The following CADM2 variants were observed in gnomAD, a reference collection of about 807,000 sequenced individuals.
CADM2 encodes the protein immunoglobulin superfamily member 4D.
CADM2 carries 12 observed loss-of-function variants against 49.8 expected under a neutral mutation model. That is an observed-to-expected ratio of 0.24 (90% CI 0.15 to 0.39). The LOEUF (loss-of-function observed/expected upper bound fraction) is 0.39. Ranked by LOEUF, CADM2 falls within the 10% of genes least tolerant of loss-of-function variation. CADM2 has a pLI of 1.00. For missense variants in CADM2, 378 were observed against 492.3 expected (o/e 0.77, Z 2.20); for synonymous variants, 214 against 175.4 (o/e 1.22, Z -1.74).
intron 1 of CADM2, among the ~76,000 whole-genome samples, chr3:85,401,460 C>T (rs1002368002): frequency 1.3e-5 from 2 of 151,934 alleles, no homozygotes; most frequent in East Asian, 1.9e-4. Flanking sequence ...CCCATCCCAG[C>T]GGAAACTTGG....
intron 1 of CADM2, among the ~76,000 whole-genome samples, chr3:85,514,204 C>T (rs369447529): frequency 1.3e-5 from 2 of 151,894 alleles, no homozygotes; most frequent in Admixed American, 6.6e-5. Flanking sequence ...TTTCTATGTT[C>T]GTCATTGTAT....
chr3:85,259,184 A>C lies in CADM2; in HGVS notation c.61+299516A>C, dbSNP rs188146545. Among the ~76,000 whole-genome samples the C allele has an allele frequency of 5.6e-4, 86 of 152,258 alleles. 1 individual carries two copies. Among genetic ancestry groups the C allele is most frequent in the Admixed American group, 2.7e-3 (41 of 15,272 alleles). On this transcript the variant is annotated intron_variant, in intron 1 of 9. Coordinates refer to ENST00000383699, the MANE Select transcript of CADM2 (RefSeq NM_001167675.2). Reference sequence around the variant, plus strand: ...ATTTAGTAAATAGCAATCACAGTACATGGCAACAAAAGCACAGTCAAGTCA... The same window carrying C: ...ATTTAGTAAATAGCAATCACAGTACCTGGCAACAAAAGCACAGTCAAGTCA...
chr3:85,966,716 C>T (rs1313150766), intron 8 of CADM2, among the ~76,000 whole-genome samples: 1 of 151,572 alleles, frequency 6.6e-6, no homozygotes, highest in Non-Finnish European at 1.5e-5. Flanking sequence ...TGCTAATAAG[C>T]TTATCACGAT....
intron 1 of CADM2, among the ~76,000 whole-genome samples, chr3:85,055,580 T>A (rs1046435839): frequency 1.3e-5 from 2 of 152,098 alleles, no homozygotes; most frequent in Admixed American, 1.3e-4. Context: ...TGTCCATTAT[T>A]GAGCTTTTAT....
intron 3 of CADM2, among the ~76,000 whole-genome samples, chr3:85,835,685 G>A (rs1357006767): frequency 1.3e-5 from 2 of 148,848 alleles, no homozygotes; most frequent in African/African-American, 4.9e-5. Context: ...CCTTGTTTAT[G>A]ATACAGCAAG....
intron 7 of CADM2, among the ~76,000 whole-genome samples, chr3:85,937,149 A>C (rs1009818093): frequency 1.3e-5 from 2 of 151,840 alleles, no homozygotes; most frequent in African/African-American, 4.8e-5. Flanking sequence ...TTTATGTTTT[A>C]TATAATTAAA....
intron 1 of CADM2, among the ~76,000 whole-genome samples, chr3:84,961,318 G>A (rs1338833135): frequency 2.6e-5 from 4 of 152,154 alleles, no homozygotes; most frequent in African/African-American, 7.2e-5. Flanking sequence ...GAATTTTCCT[G>A]AATTAACTAA....
intron 1 of CADM2, among the ~76,000 whole-genome samples, chr3:85,474,170 T>C (rs1055029786): frequency 7.3e-5 from 11 of 151,646 alleles, no homozygotes; most frequent in African/African-American, 2.7e-4. Flanking sequence ...GTTGTGTGTT[T>C]ATGTTGTGTT....
chr3:85,502,127 A>G (rs1195868253), intron 1 of CADM2, among the ~76,000 whole-genome samples: 2 of 152,198 alleles, frequency 1.3e-5, no homozygotes, highest in Non-Finnish European at 2.9e-5. Flanking sequence ...TAAAGGATAC[A>G]CGGAGTAAGT....
At chr3:85,691,525 T>C (rs1439791937) in intron 1 of CADM2, among the ~76,000 whole-genome samples, 2 of 152,182 alleles carry the variant, frequency 1.3e-5, no homozygotes, top group Non-Finnish European at 2.9e-5. Context: ...ACACTGTTGG[T>C]GGGACTGTAA....
intron 1 of CADM2, among the ~76,000 whole-genome samples, chr3:85,332,733 A>T (rs2044964019): frequency 6.6e-6 from 1 of 151,914 alleles, no homozygotes; most frequent in African/African-American, 2.4e-5. Flanking sequence ...TCTGTGTTAT[A>T]CAAGTTGTGA....
At chr3:85,144,913 T>A (rs548520760) in intron 1 of CADM2, among the ~76,000 whole-genome samples, 1 of 152,300 alleles carries the variant, frequency 6.6e-6, no homozygotes, top group East Asian at 1.9e-4. Flanking sequence ...CTACTCTTAG[T>A]GAAATTTATC....
intron 5 of CADM2, among the ~76,000 whole-genome samples, chr3:85,912,045 G>A (rs186686588): frequency 1.8e-3 from 275 of 151,726 alleles, no homozygotes; most frequent in African/African-American, 5.9e-3. Flanking sequence ...CTGGGTTCAC[G>A]CCATTCTCCT....
intron 1 of CADM2, among the ~76,000 whole-genome samples, chr3:85,177,770 C>G (rs1334402631): frequency 6.6e-6 from 1 of 151,704 alleles, no homozygotes; most frequent in African/African-American, 2.4e-5. Context: ...AAGCACCATA[C>G]AATACTGTTG....
At chr3:85,440,589 A>G (rs2037154237) in intron 1 of CADM2, among the ~76,000 whole-genome samples, 1 of 152,050 alleles carries the variant, frequency 6.6e-6, no homozygotes, top group South Asian at 2.1e-4. Flanking sequence ...GGTCTCTAAG[A>G]TTTCTGTCTT....
chr3:85,261,807 TAAAAAC>T lies in CADM2; in HGVS notation c.61+302144_61+302149del, dbSNP rs569730003. ...TTTGGCAATTCAAATATTTCTAAATTAAAAACAAAACAAAACAAAGTCACCTTTTTC... is the reference window on the plus strand; with the variant it reads ...TTTGGCAATTCAAATATTTCTAAATTAAAACAAAACAAAGTCACCTTTTTC... On this transcript the variant is annotated intron_variant, in intron 1 of 9. Coordinates refer to ENST00000383699, the MANE Select transcript of CADM2 (RefSeq NM_001167675.2). 1.7e-3 allele frequency among the ~76,000 whole-genome samples: 257 copies of T among 152,158 alleles called. 1 individual carries two copies. The highest frequency in any genetic ancestry group is 5.9e-3 in the African/African-American group (247 of 41,554).
intron 1 of CADM2, among the ~76,000 whole-genome samples, chr3:85,018,503 G>A (rs1002045373): frequency 1.3e-5 from 2 of 151,988 alleles, no homozygotes; most frequent in East Asian, 1.9e-4. Flanking sequence ...TCAGGCGCCC[G>A]CCACCATGCC....
intron 1 of CADM2, among the ~76,000 whole-genome samples, chr3:85,598,374 G>A (rs903318309): frequency 2.0e-5 from 3 of 151,782 alleles, no homozygotes; most frequent in Non-Finnish European, 4.4e-5. Flanking sequence ...GGTTCCTCCA[G>A]GATAGTAAAA....
At chr3:85,775,090 T>A (rs769323888) in intron 2 of CADM2, among the ~76,000 whole-genome samples, 2 of 151,540 alleles carry the variant, frequency 1.3e-5, no homozygotes, top group Non-Finnish European at 3.0e-5. Context: ...TAAACCTACA[T>A]CAAAAATAAG....
Sources: allele counts gnomAD v4.1 joint callset (sites outside exome capture counted in the v4.1 genomes callset), GRCh38; gene constraint gnomAD v4.1.1; transcripts MANE v1.5; gene names NCBI Gene and HGNC (gene_info 2026-07-23, HGNC 2026-07-21).